Variants in RASSF3 observed in about 807,000 individuals in gnomAD.
The protein encoded by RASSF3 is ras association domain-containing protein 3.
In RASSF3, 19 loss-of-function variants were observed where a neutral mutation model predicts 19.9. That is an observed-to-expected ratio of 0.96 (90% CI 0.67 to 1.40). The LOEUF (loss-of-function observed/expected upper bound fraction) is 1.40, where lower values mean the gene tolerates loss of function less well. Ranked by LOEUF, RASSF3 falls within the 40% of genes most tolerant of loss-of-function variation. The pLI, the probability that RASSF3 is intolerant of heterozygous loss-of-function variation, is 0.00. For missense variants in RASSF3, 306 were observed against 289.8 expected, an observed-to-expected ratio of 1.06 and a Z score of -0.41; for synonymous variants, 110 against 104.2, an observed-to-expected ratio of 1.06 and a Z score of -0.34.
At chr12:64,611,949 G>A (rs796438856) in intron 1 of RASSF3, among the ~76,000 whole-genome samples, 1 of 152,204 alleles carries the variant, frequency 6.6e-6, no homozygotes. Context: ...GAAGTCAAGT[G>A]CCCTTATTCA....
chr12:64,644,572 C>G (rs1871663705), intron 1 of RASSF3, among the ~76,000 whole-genome samples: 1 of 152,014 alleles, frequency 6.6e-6, no homozygotes, highest in African/African-American at 2.4e-5. Flanking sequence ...TTGCACATGC[C>G]TGTAGTTCCA....
intron 1 of RASSF3, among the ~76,000 whole-genome samples, chr12:64,541,360 T>C (rs1868931284): frequency 6.6e-6 from 1 of 152,236 alleles, no homozygotes; most frequent in Non-Finnish European, 1.5e-5. Context: ...TTGTGAAAGA[T>C]ATTCAGTGAT....
At chr12:64,609,865 A>T (rs1800435635), upstream of RASSF3, among the ~76,000 whole-genome samples, 1 of 152,226 alleles carries the variant, frequency 6.6e-6, no homozygotes. Flanking sequence ...GCTAGAAAGA[A>T]GGGGAAAAGG....
At position 64,695,121 on chromosome 12, in the gene RASSF3, C is replaced by T. The variant is rs770150713; in HGVS notation, c.*209C>T. ...ACTCTGCAAGCTTGTTGTTCAGCAC[C>T]GCAGTGTTACCTCTTGGCAAGCTGT... On this transcript the variant is annotated 3_prime_UTR_variant, in exon 5 of 5. Coordinates refer to ENST00000542104, the MANE Select transcript of RASSF3 (RefSeq NM_178169.4). 3.9e-5 allele frequency: 20 copies of T among 512,696 alleles called. No individual in the cohort carries two copies. Among genetic ancestry groups the T allele is most frequent in the Middle Eastern group, 5.2e-4 (1 of 1,908 alleles). 31.8% of individuals were successfully genotyped at this position (512,696 alleles called of 1,614,324 possible).
At chr12:64,531,138 T>C (rs1329011941), upstream of RASSF3, among the ~76,000 whole-genome samples, 2 of 152,226 alleles carry the variant, frequency 1.3e-5, no homozygotes, top group Non-Finnish European at 2.9e-5. Context: ...TCACAATGAT[T>C]CCCTCCTATG....
At chr12:64,659,111 A>C (rs1399693145) in intron 1 of RASSF3, among the ~76,000 whole-genome samples, 1 of 152,068 alleles carries the variant, frequency 6.6e-6, no homozygotes, top group East Asian at 1.9e-4. Flanking sequence ...TCAGTGACCA[A>C]GAGCCCAGAG....
intron 1 of RASSF3, among the ~76,000 whole-genome samples, chr12:64,653,148 A>G (rs975791984): frequency 9.2e-5 from 14 of 152,198 alleles, no homozygotes; most frequent in African/African-American, 3.4e-4. Flanking sequence ...GAATCGTTGC[A>G]GCCTTGATCT....
Position 64,696,106 on chromosome 12 carries a change from C to CCTCATTCA in RASSF3, c.*1197_*1198insATTCACTC, listed in dbSNP as rs1486967108. 1 of 124,600 alleles carries CCTCATTCA rather than the reference C, an allele frequency of 8.0e-6. No homozygotes were observed. 7.7% of individuals were successfully genotyped at this position (124,600 alleles called of 1,614,324 possible). A position where few individuals can be genotyped will look rare whatever the true frequency, so the allele number is the denominator to read the frequency against. ...CTTTTCCTCCCTCCCTCCCTCCCTC[C>CCTCATTCA]CTCCCTCCCTCCCTCCTTCCCTCCC... is the stretch of plus-strand genomic sequence containing the variant. On this transcript the variant is annotated 3_prime_UTR_variant, in exon 5 of 5. Transcript: ENST00000542104.
At chr12:64,663,276 C>G (rs1872432017) in intron 1 of RASSF3, among the ~76,000 whole-genome samples, 1 of 151,764 alleles carries the variant, frequency 6.6e-6, no homozygotes, top group African/African-American at 2.4e-5. Flanking sequence ...GATCAGTAGG[C>G]AAAAGGAAGA....
intron 1 of RASSF3, among the ~76,000 whole-genome samples, chr12:64,514,534 A>C (rs1478932874): frequency 6.6e-6 from 1 of 152,080 alleles, no homozygotes; most frequent in Non-Finnish European, 1.5e-5. Context: ...GGTGCAAAGC[A>C]GGGCTGTGTG....
intron 2 of RASSF3, among the ~76,000 whole-genome samples, chr12:64,567,953 A>C (rs1298764538): frequency 6.6e-6 from 1 of 151,644 alleles, no homozygotes; most frequent in Non-Finnish European, 1.5e-5. Flanking sequence ...GTTTACATAG[A>C]CCCCCACATC....
chr12:64,664,054 C>G (rs1286279944), intron 1 of RASSF3, among the ~76,000 whole-genome samples: 1 of 152,106 alleles, frequency 6.6e-6, no homozygotes, highest in Admixed American at 6.6e-5. Flanking sequence ...ATTAGTCAGG[C>G]ATTAACATTC....
intron 2 of RASSF3, among the ~76,000 whole-genome samples, chr12:64,576,850 C>CAAA (rs56963418): frequency 2.0e-4 from 17 of 85,626 alleles, no homozygotes; most frequent in South Asian, 8.0e-4. Flanking sequence ...GACCCTGTCT[C>CAAA]AAAAAAAAAA....
At chr12:64,564,970 AG>A (rs1459677459) in intron 2 of RASSF3, among the ~76,000 whole-genome samples, 2 of 150,698 alleles carry the variant, frequency 1.3e-5, no homozygotes, top group African/African-American at 4.9e-5. Flanking sequence ...TAGTAGAGAC[AG>A]GGTTTTACCA....
chr12:64,660,978 A>C (rs1270837), intron 1 of RASSF3, among the ~76,000 whole-genome samples: 43,221 of 152,030 alleles, frequency 0.28, 6,651 homozygotes, highest in Non-Finnish European at 0.36. Context: ...ATGTTAATAT[A>C]ATAGAACACC....
chr12:64,690,985 C>T (rs1046642995), intron 3 of RASSF3, among the ~76,000 whole-genome samples: 2 of 151,990 alleles, frequency 1.3e-5, no homozygotes, highest in African/African-American at 4.8e-5. Context: ...CTCGGCCTCC[C>T]AAGTAGCTGG....
At chr12:64,601,654 T>G (rs1054826611) in intron 2 of RASSF3, among the ~76,000 whole-genome samples, 1 of 151,548 alleles carries the variant, frequency 6.6e-6, no homozygotes, top group Non-Finnish European at 1.5e-5. Flanking sequence ...GGACCCCGTC[T>G]CTACAAAAAA....
chr12:64,655,808 C>T (rs1475807541), intron 1 of RASSF3, among the ~76,000 whole-genome samples: 2 of 151,952 alleles, frequency 1.3e-5, no homozygotes, highest in Non-Finnish European at 2.9e-5. Context: ...GGGCGGATCA[C>T]GTGAGGTCAG....
chr12:64,508,798 T>C (rs755945677), intron 1 of RASSF3, among the ~76,000 whole-genome samples: 1 of 151,732 alleles, frequency 6.6e-6, no homozygotes. Flanking sequence ...GCAGGAGAAT[T>C]GCTCGAAAAC....
Sources: allele counts gnomAD v4.1 joint callset (sites outside exome capture counted in the v4.1 genomes callset), GRCh38; gene constraint gnomAD v4.1.1; transcripts MANE v1.5; gene names NCBI Gene and HGNC (gene_info 2026-07-23, HGNC 2026-07-21).